The following CTNNA3 variants were observed in gnomAD, a reference collection of about 807,000 sequenced individuals.
The protein encoded by CTNNA3 is catenin alpha-3.
In CTNNA3, 76 loss-of-function variants were observed where a neutral mutation model predicts 95.7. The ratio of observed to expected loss-of-function variants is 0.79; its 90% confidence interval spans 0.66 to 0.96. The LOEUF (loss-of-function observed/expected upper bound fraction) is 0.96, where lower values mean the gene tolerates loss of function less well. Among genes scored for constraint, CTNNA3 ranks in the 40% least tolerant of loss-of-function variants. The pLI, the probability that CTNNA3 is intolerant of heterozygous loss-of-function variation, is 0.00. For synonymous variants in CTNNA3, 431 were observed against 374.4 expected (o/e 1.15, Z -1.74); for missense variants, 1,191 against 1,089.8 (o/e 1.09, Z -1.31).
In CTNNA3 at chr10:66,737,846, A is replaced by T. The variant is rs1375738531; in HGVS notation, c.1281+28418T>A. On this transcript the variant is annotated intron_variant, in intron 9 of 17. Transcript: ENST00000433211. ...GCTAATTTTTGTATTTTTAGTAGAC[A>T]TGGGGTTTCACCATGTTGGCCAGGA... Among the ~76,000 whole-genome samples, 4 of 152,170 alleles carry T rather than the reference A, an allele frequency of 2.6e-5. No homozygotes were observed. In the East Asian group the frequency reaches 5.8e-4, roughly 22 times the overall value.
At chr10:66,823,303 A>G (rs555896404) in intron 7 of CTNNA3, among the ~76,000 whole-genome samples, 1 of 152,232 alleles carries the variant, frequency 6.6e-6, no homozygotes, top group Non-Finnish European at 1.5e-5. Context: ...TTGTTCATAA[A>G]TTCCATGTCA....
chr10:66,445,562 C>T (rs1052967655), intron 11 of CTNNA3, among the ~76,000 whole-genome samples: 1 of 152,076 alleles, frequency 6.6e-6, no homozygotes, highest in Non-Finnish European at 1.5e-5. Flanking sequence ...ACAACTTGCT[C>T]CTGAATGACT....
chr10:66,431,162 C>A (rs977275148), intron 11 of CTNNA3, among the ~76,000 whole-genome samples: 3 of 152,092 alleles, frequency 2.0e-5, no homozygotes, highest in Admixed American at 6.6e-5. Flanking sequence ...TCATCACTGG[C>A]CATCAGAGAA....
chr10:66,444,972 G>A (rs1159817441), intron 11 of CTNNA3, among the ~76,000 whole-genome samples: 1 of 151,986 alleles, frequency 6.6e-6, no homozygotes, highest in Non-Finnish European at 1.5e-5. Flanking sequence ...TAAAAGGATG[G>A]AGGAAGATCT....
At chr10:67,183,456 G>A (rs1160002082) in intron 6 of CTNNA3, among the ~76,000 whole-genome samples, 3 of 151,628 alleles carry the variant, frequency 2.0e-5, no homozygotes, top group Admixed American at 6.6e-5. Context: ...ACCAAACACC[G>A]CATGCTCTCA....
intron 7 of CTNNA3, among the ~76,000 whole-genome samples, chr10:66,887,015 T>G (rs1845068579): frequency 6.6e-6 from 1 of 152,306 alleles, no homozygotes; most frequent in South Asian, 2.1e-4. Flanking sequence ...AGTCTCAAAC[T>G]AATGTTGAGT....
intron 10 of CTNNA3, among the ~76,000 whole-genome samples, chr10:66,533,477 T>G (rs1396949048): frequency 1.3e-5 from 2 of 152,156 alleles, no homozygotes; most frequent in Non-Finnish European, 2.9e-5. Flanking sequence ...AGGTTCCATC[T>G]AGGGTGAGTA....
intron 1 of CTNNA3, among the ~76,000 whole-genome samples, chr10:67,656,306 T>G (rs1840023737): frequency 6.6e-6 from 1 of 152,170 alleles, no homozygotes; most frequent in South Asian, 2.1e-4. Context: ...CTTCCTGGAC[T>G]TTACAAATAT....
At chr10:67,252,318 C>T (rs1158622273) in intron 5 of CTNNA3, among the ~76,000 whole-genome samples, 3 of 151,420 alleles carry the variant, frequency 2.0e-5, no homozygotes, top group Non-Finnish European at 4.4e-5. Context: ...GGAGGCAGTA[C>T]AGTCATCCCC....
chr10:66,746,010 G>A (rs1324282558), intron 9 of CTNNA3, among the ~76,000 whole-genome samples: 1 of 152,052 alleles, frequency 6.6e-6, no homozygotes, highest in Non-Finnish European at 1.5e-5. Flanking sequence ...ATTTACAATT[G>A]AGATATCTGG....
intron 9 of CTNNA3, among the ~76,000 whole-genome samples, chr10:66,647,511 C>CTTTTTTT: frequency 6.8e-6 from 1 of 146,486 alleles, no homozygotes; most frequent in African/African-American, 2.5e-5. Flanking sequence ...AAAAATTACT[C>CTTTTTTT]TTTTTTTTTT....
At chr10:66,388,129 T>C (rs1468670673) in intron 11 of CTNNA3, among the ~76,000 whole-genome samples, 1 of 152,052 alleles carries the variant, frequency 6.6e-6, no homozygotes, top group African/African-American at 2.4e-5. Context: ...TTTTCAAGTA[T>C]ATTGGCAAGG....
At chr10:66,344,567 T>A (rs1306233931) in intron 12 of CTNNA3, among the ~76,000 whole-genome samples, 2 of 152,022 alleles carry the variant, frequency 1.3e-5, no homozygotes, top group Non-Finnish European at 2.9e-5. Flanking sequence ...GGGCCCAGCC[T>A]GTAGTGTGTA....
chr10:67,198,554 A>G (rs1478421754), intron 6 of CTNNA3, among the ~76,000 whole-genome samples: 6 of 152,212 alleles, frequency 3.9e-5, no homozygotes, highest in Non-Finnish European at 8.8e-5. Flanking sequence ...GAGAAGGAAA[A>G]TGGAAAGGAC....
At chr10:67,642,548 T>C (rs886850825) in intron 2 of CTNNA3, among the ~76,000 whole-genome samples, 2 of 152,070 alleles carry the variant, frequency 1.3e-5, no homozygotes, top group Non-Finnish European at 2.9e-5. Context: ...TGAAACCCCG[T>C]GTCTACTAAG....
At position 66,055,836 on chromosome 10, in the gene CTNNA3, C is replaced by T. The variant is rs138159468; in HGVS notation, c.2159+13472G>A. On this transcript the variant is annotated intron_variant, in intron 15 of 17. Transcript: ENST00000433211. ...ACTCAGGAGGCTGAAGCAGGAGAAT[C>T]GCTTGAACCTGGGAGACAGAGGTTG... Among the ~76,000 whole-genome samples, 8 of 147,558 alleles carry T rather than the reference C, an allele frequency of 5.4e-5. No homozygotes were observed. The East Asian group carries it at 6.1e-4, about 11-fold the overall frequency.
At chr10:66,325,778 G>T (rs2092246785) in intron 12 of CTNNA3, among the ~76,000 whole-genome samples, 1 of 152,058 alleles carries the variant, frequency 6.6e-6, no homozygotes, top group African/African-American at 2.4e-5. Context: ...ACTGAAAATT[G>T]TCTGTTTGAA....
At chr10:67,330,478 A>G (rs1435551813) in intron 5 of CTNNA3, among the ~76,000 whole-genome samples, 2 of 152,224 alleles carry the variant, frequency 1.3e-5, no homozygotes, top group Admixed American at 6.5e-5. Flanking sequence ...AGTGACTGAC[A>G]CACTGAAAGA....
chr10:66,670,195 C>G (rs1247891521), intron 9 of CTNNA3, among the ~76,000 whole-genome samples: 1 of 152,136 alleles, frequency 6.6e-6, no homozygotes, highest in Non-Finnish European at 1.5e-5. Context: ...CAAATTACCA[C>G]AAACCCAACA....
Sources: gnomAD v4.1 joint callset for allele counts (sites outside exome capture counted in the v4.1 genomes callset) on GRCh38, gnomAD v4.1.1 for gene constraint, MANE v1.5 for transcripts, NCBI Gene and HGNC (gene_info 2026-07-23, HGNC 2026-07-21) for gene names.